The following LAMA3 variants were observed in gnomAD, a reference collection of about 807,000 sequenced individuals.
LAMA3 encodes laminin subunit alpha-3.
In LAMA3, 281 loss-of-function variants were observed where a neutral mutation model predicts 402.0. The observed-to-expected ratio is 0.70, with a 90% CI of 0.63 to 0.77. The LOEUF is 0.77. Ranked by LOEUF, LAMA3 falls within the 30% of genes least tolerant of loss-of-function variation. The pLI is 0.00. For synonymous variants in LAMA3, 1,431 were observed against 1,558.4 expected, an observed-to-expected ratio of 0.92 and a Z score of 1.93; for missense variants, 3,840 against 4,215.5, an observed-to-expected ratio of 0.91 and a Z score of 2.47.
At position 23,740,877 on chromosome 18, in the gene LAMA3, T is replaced by G. The variant is rs367631158; in HGVS notation, c.448-7066T>G. 1.7e-4 allele frequency among the ~76,000 whole-genome samples: 26 copies of G among 152,100 alleles called. No individual in the cohort carries two copies. The South Asian group carries it at 5.4e-3, about 32-fold the overall frequency. ...AGTTTCTGGAGTGATCCACCTTCCC[T>G]CCTCTGGGTGAGCAGGTACTTCTGG... is the stretch of plus-strand genomic sequence containing the variant. On this transcript the variant is annotated intron_variant, in intron 2 of 74. Transcript: ENST00000313654.
chr18:23,713,869 G>C, intron 1 of LAMA3, 51 bp from the exon 2 acceptor site: 4 of 1,558,464 alleles, frequency 2.6e-6, no homozygotes, highest in Non-Finnish European at 3.5e-6. Flanking sequence ...TTACTTGAAA[G>C]TAAAAAAATA....
chr18:23,802,935 A>G (rs1394294061), intron 12 of LAMA3, among the ~76,000 whole-genome samples: 2 of 152,188 alleles, frequency 1.3e-5, no homozygotes, highest in Non-Finnish European at 2.9e-5. Flanking sequence ...CTGAGTTTTC[A>G]AAAGGCCATT....
Position 23,839,573 on chromosome 18 carries a change from CT to C in LAMA3, c.3192-211del, listed in dbSNP as rs2063653800. Among the ~76,000 whole-genome samples, 1 of 152,178 alleles carries C rather than the reference CT, an allele frequency of 6.6e-6. No homozygotes were observed. The highest frequency in any genetic ancestry group is 2.1e-4 in the South Asian group (1 of 4,832). On this transcript the variant is annotated intron_variant, in intron 26 of 74. Coordinates refer to ENST00000313654, the MANE Select transcript of LAMA3 (RefSeq NM_198129.4). This position sits in a 1 kb window ranked among gnomAD's most constrained non-coding sequence, Gnocchi z 4.5. ...CTTTACTTCAAAATTAAGATTCTCT[CT>C]GTTTCAACTAGTTCAATGGAACAGG... is the stretch of plus-strand genomic sequence containing the variant.
chr18:23,815,265 G>A, intron 16 of LAMA3, 25 bp downstream of exon 16: 1 of 1,608,812 alleles, frequency 6.2e-7, no homozygotes. Context: ...GTTTTCATGT[G>A]ACAACAGCAG....
chr18:23,802,762 C>G (rs1409542961), intron 12 of LAMA3, among the ~76,000 whole-genome samples: 1 of 152,116 alleles, frequency 6.6e-6, no homozygotes, highest in Non-Finnish European at 1.5e-5. Flanking sequence ...GATGCCACTC[C>G]CATTTCTACC....
rs369046043 is a variant in LAMA3 at position 23,899,479 on chromosome 18, C to T, written c.6004+24C>T. On this transcript the variant is annotated intron_variant, in intron 47 of 74. Transcript: ENST00000313654. ...CTGTAAGAATGCTCCCAAATTCTTG[C>T]ATCCAGTCCATTCTAATTGATTTGA... 9 of 1,610,554 alleles carry T rather than the reference C, an allele frequency of 5.6e-6. No homozygotes were observed. In the African/African-American group the frequency reaches 1.2e-4, roughly 21 times the overall value.
At chr18:23,871,179 G>T (rs1271771664) in intron 37 of LAMA3, among the ~76,000 whole-genome samples, 1 of 152,040 alleles carries the variant, frequency 6.6e-6, no homozygotes, top group African/African-American at 2.4e-5. Context: ...GTTGGACACT[G>T]GGAATTTTAT....
In LAMA3 at chr18:23,690,872, ATTATTTATTTATTTATTTAT is replaced by A. The variant is rs10665618; in HGVS notation, c.294+926_294+945del. Among the ~76,000 whole-genome samples the A allele has an allele frequency of 6.1e-3, 832 of 136,990 alleles. 3 individuals carry two copies. The highest frequency in any genetic ancestry group is 8.5e-3 in the South Asian group (35 of 4,110). The allele number at this position is 136,990 out of a possible 152,430, so 89.9% of individuals were successfully genotyped here. On this transcript the variant is annotated intron_variant, in intron 1 of 74. Transcript: ENST00000313654. The stretch of plus-strand genomic sequence containing the variant: ...GCTCACTGCAACCTCAGGCCTGGCA[ATTATTTATTTATTTATTTAT>A]TTATTTATTTATTTATTTATTTATT...
At chr18:23,812,401 C>G (rs1168595023) in intron 13 of LAMA3, among the ~76,000 whole-genome samples, 3 of 152,082 alleles carry the variant, frequency 2.0e-5, no homozygotes. Flanking sequence ...CAGACAGAAG[C>G]AAACAAAGCC....
At chr18:23,947,465 C>T (rs1207581305) in intron 70 of LAMA3, among the ~76,000 whole-genome samples, 1 of 152,138 alleles carries the variant, frequency 6.6e-6, no homozygotes, top group African/African-American at 2.4e-5. Flanking sequence ...AAATCTGGGC[C>T]TAGAAATGGG....
intron 62 of LAMA3, among the ~76,000 whole-genome samples, chr18:23,924,611 C>G: frequency 7.4e-6 from 1 of 135,836 alleles, no homozygotes; most frequent in African/African-American, 2.8e-5. Flanking sequence ...ATGGCATAAT[C>G]TCGGCTTACT....
chr18:23,738,172 TG>T (rs1184712648), intron 2 of LAMA3, among the ~76,000 whole-genome samples: 23 of 151,658 alleles, frequency 1.5e-4, no homozygotes, highest in African/African-American at 4.8e-4. Flanking sequence ...GCACAGCAGT[TG>T]AAGTGTGGAT....
At chr18:23,785,840 A>G (rs1415286020) in intron 12 of LAMA3, among the ~76,000 whole-genome samples, 1 of 152,214 alleles carries the variant, frequency 6.6e-6, no homozygotes, top group Non-Finnish European at 1.5e-5. Context: ...TAACTTATTC[A>G]TATGGACAAA....
rs1481327337 is a variant in LAMA3 at position 23,871,606 on chromosome 18, C to T, written c.4943C>T (p.Ala1648Val). The part of the protein sequence containing the change: ...EASDTGSGRI[A>V]LAVEICACPP... Reference sequence around the variant, plus strand: ...TCTGACACAGGAAGTGGGCGCATAGCACTTGCTGTGGAAATCTGTGCCTGC... The same window carrying T: ...TCTGACACAGGAAGTGGGCGCATAGTACTTGCTGTGGAAATCTGTGCCTGC... The change falls in exon 38 of 75, where the codon GCA (alanine) becomes GTA (valine). Residue 1648 changes from alanine to valine, a missense_variant. Ala to Val is a moderately conservative substitution (Grantham distance 64). Around this residue, in one of 3 missense-constraint regions of LAMA3, gnomAD observed 2,109 missense variants for 2,376.0 expected, o/e 0.89. Transcript: ENST00000313654. 1.2e-6 allele frequency: 2 copies of T among 1,613,930 alleles called. No individual in the cohort carries two copies. The highest frequency in any genetic ancestry group is 2.2e-5 in the South Asian group (2 of 91,022).
At chr18:23,708,670 A>G (rs886799366) in intron 1 of LAMA3, among the ~76,000 whole-genome samples, 18 of 152,158 alleles carry the variant, frequency 1.2e-4, no homozygotes, top group African/African-American at 4.3e-4. Flanking sequence ...TTAATGTCAC[A>G]TCCAGCTACC....
intron 2 of LAMA3, among the ~76,000 whole-genome samples, chr18:23,736,785 A>C (rs1267982108): frequency 1.3e-5 from 2 of 152,062 alleles, no homozygotes; most frequent in Admixed American, 6.5e-5. Context: ...AAGGGATGAG[A>C]GATTAAGGGA....
At chr18:23,886,372 C>T (rs2065074417) in intron 41 of LAMA3, among the ~76,000 whole-genome samples, 1 of 152,142 alleles carries the variant, frequency 6.6e-6, no homozygotes, top group South Asian at 2.1e-4. Context: ...CATGGTGGCT[C>T]AAACTTGTAA....
Position 23,836,822 on chromosome 18 carries a change from G to A in LAMA3, c.2985-159G>A, listed in dbSNP as rs150180513. On this transcript the variant is annotated intron_variant, in intron 24 of 74. Coordinates refer to ENST00000313654, the MANE Select transcript of LAMA3 (RefSeq NM_198129.4). ...AGGTTATTTTCCCCATAGAGACTGCGAGCTGCATCCTTCTTCAACTCATCA... is the reference window on the plus strand; with the variant it reads ...AGGTTATTTTCCCCATAGAGACTGCAAGCTGCATCCTTCTTCAACTCATCA... 3.9e-4 allele frequency among the ~76,000 whole-genome samples: 59 copies of A among 152,298 alleles called. No individual in the cohort carries two copies. The East Asian group carries it at 0.01, about 26-fold the overall frequency.
At chr18:23,821,883 C>T (rs752011233) in intron 19 of LAMA3, among the ~76,000 whole-genome samples, 3 of 152,204 alleles carry the variant, frequency 2.0e-5, no homozygotes, top group Non-Finnish European at 4.4e-5. Context: ...CTTTCCTTCT[C>T]TTCTGCCTTT....
Sources: gnomAD v4.1 joint callset for allele counts (sites outside exome capture counted in the v4.1 genomes callset) on GRCh38, gnomAD v4.1.1 for gene constraint, gnomAD v4.1.1 regional missense constraint, Gnocchi (gnomAD v3.1) non-coding constraint, MANE v1.5 for transcripts, NCBI Gene and HGNC (gene_info 2026-07-23, HGNC 2026-07-21) for gene names.